Variants in PARP10 observed in about 807,000 individuals in gnomAD.
The protein encoded by PARP10 is protein mono-ADP-ribosyltransferase PARP10.
In PARP10, 56 loss-of-function variants were observed where a neutral mutation model predicts 82.4. The observed-to-expected ratio is 0.68, with a 90% confidence interval of 0.55 to 0.85. PARP10 has a LOEUF of 0.85. PARP10 is among the 40% of genes least tolerant of loss of function. The pLI is 0.00. For missense variants in PARP10, 1,227 were observed against 1,379.4 expected, an observed-to-expected ratio of 0.89 and a Z score of 1.75; for synonymous variants, 576 against 601.1, an observed-to-expected ratio of 0.96 and a Z score of 0.61.
chr8:143,978,320 C>T (rs1833763693), intron 9 of PARP10, among the ~76,000 whole-genome samples: 1 of 152,042 alleles, frequency 6.6e-6, no homozygotes, highest in South Asian at 2.1e-4. Flanking sequence ...GGTCTGCGGG[C>T]GGGCAAACCC....
chr8:143,992,992 A>G (rs1248747393), upstream of PARP10: 2 of 643,926 alleles, frequency 3.1e-6, no homozygotes, highest in Non-Finnish European at 5.3e-6. Flanking sequence ...CTGTATGTAC[A>G]CTGCAGATAC....
upstream of PARP10, chr8:143,990,936 G>A (rs537594353): frequency 3.8e-3 from 866 of 227,060 alleles, 6 homozygotes; most frequent in African/African-American, 0.018. The surrounding 1 kb of genome is among the most constrained non-coding windows in gnomAD (Gnocchi z 5.6). Context: ...CCCAAATCCC[G>A]AGGCTGGCGG....
chr8:143,983,767 C>G lies in PARP10; in HGVS notation c.1822G>C (p.Asp608His). The change falls in exon 8 of 11, where the codon GAC becomes CAC. Residue 608 changes from aspartate to histidine, a missense_variant. By Grantham distance (81) the Asp-to-His change is moderately conservative. Transcript: ENST00000313028. The part of the protein sequence containing the change: ...LLATLEGLDL[D>H]GEDWLPRELE... ...TCCCGAGGCAGCCAGTCCTCCCCGT[C>G]TAGGTCTAGGCCCTCCAGGGTGGCC... The G allele has an allele frequency of 6.2e-7, 1 of 1,611,122 alleles. No homozygotes were observed. The highest frequency in any genetic ancestry group is 1.1e-5 in the South Asian group (1 of 90,536).
upstream of PARP10, chr8:143,991,678 T>A: frequency 6.2e-7 from 1 of 1,602,680 alleles, no homozygotes; most frequent in African/African-American, 1.3e-5. Context: ...TGACCCAGCC[T>A]GTCTGCTTCT....
Position 143,986,103 on chromosome 8 carries a change from A to G in PARP10, c.133T>C (p.Trp45Arg). 6.2e-7 allele frequency: 1 copy of G among 1,614,110 alleles called. No homozygotes were observed. Among genetic ancestry groups the G allele is most frequent in the South Asian group, 1.1e-5 (1 of 91,090 alleles). Residue 45 changes from tryptophan (W) to arginine (R), a missense_variant, in exon 2 of 11, where the codon TGG becomes CGG. Coordinates refer to ENST00000313028, the MANE Select transcript of PARP10 (RefSeq NM_032789.5). ...ACGCCCCCACAGCCCAGTCTCTGCCAGCTCAACACAGGTCCCCCTCCAGAG... is the reference window on the plus strand; with the variant it reads ...ACGCCCCCACAGCCCAGTCTCTGCCGGCTCAACACAGGTCCCCCTCCAGAG... ...RRSGGGPVLS[W>R]QRLGCGGVLT...
In PARP10 at chr8:143,984,544, C is replaced by A; in HGVS notation, c.1458G>T (p.Arg486=). The A allele has an allele frequency of 6.2e-7, 1 of 1,606,756 alleles. No homozygotes were observed. ...TGAGGAGTCCTGAGGGGTCACTCAC[C>A]CGAAAGCCAGTCATATCCGGTCCTT... ...PLEGPDMTGF[R]LCGAQASCQA... is the part of the protein sequence containing the mutation. Residue 486 remains arginine, a splice_region_variant and synonymous_variant, in exon 5 of 11, where the codon CGG becomes CGT. Transcript: ENST00000313028.
At position 143,977,703 on chromosome 8, in the gene PARP10, G is replaced by C. The variant is rs782375654; in HGVS notation, c.2859C>G (p.Tyr953Ter). 6 of 1,592,996 alleles carry C rather than the reference G, an allele frequency of 3.8e-6. No individual in the cohort carries two copies. The highest frequency in any genetic ancestry group is 4.3e-6 in the Non-Finnish European group (5 of 1,170,594). ...CCCGCAGACCGCGGCGGCCCTGCCCGTAGTCGCCAGTCAGCACCCGTGCCA... is the reference window on the plus strand; with the variant it reads ...CCCGCAGACCGCGGCGGCCCTGCCCCTAGTCGCCAGTCAGCACCCGTGCCA... ...VFVARVLTGD[Y>*]GQGRRGLRAP... Residue 953 changes from tyrosine (Y) to a stop codon, truncating the protein, a stop_gained, in exon 11 of 11, where the codon TAC (tyrosine) becomes TAG (stop). Transcript: ENST00000313028. LOFTEE classifies it low-confidence loss of function (END_TRUNC).
chr8:143,991,419 C>A, upstream of PARP10: 1 of 1,387,564 alleles, frequency 7.2e-7, no homozygotes, highest in Non-Finnish European at 9.6e-7. Flanking sequence ...CCCCTACCCC[C>A]AAGGGGGCTA....
chr8:143,992,187 C>T (rs1834110486), upstream of PARP10: 3 of 1,599,768 alleles, frequency 1.9e-6, no homozygotes. Context: ...GAGGCAGGGG[C>T]CGGCAGGGGT....
Position 143,983,292 on chromosome 8 carries a change from C to T in PARP10, c.2297G>A (p.Gly766Asp). The T allele has an allele frequency of 6.2e-7, 1 of 1,612,772 alleles. No individual in the cohort carries two copies. The change falls in exon 8 of 11, where the codon GGT (glycine) becomes GAT (aspartate). Residue 766 changes from glycine to aspartate, a missense_variant. By Grantham distance (94) the Gly-to-Asp change is moderately conservative (BLOSUM62 -1). Coordinates refer to ENST00000313028, the MANE Select transcript of PARP10 (RefSeq NM_032789.5). ...RCHGVSVALR[G>D]DCTILRGFGA... ...GAAGCCACGGAGGATGGTGCAGTCA[C>T]CACGCAGGGCAACACTCACACCATG... is the stretch of plus-strand genomic sequence containing the variant.
upstream of PARP10, chr8:143,990,791 G>A (rs1834078675): frequency 6.5e-6 from 1 of 153,368 alleles, no homozygotes; most frequent in African/African-American, 2.4e-5. This position sits in a 1 kb window ranked among gnomAD's most constrained non-coding sequence, Gnocchi z 5.6. Flanking sequence ...TGCTTAAGGG[G>A]CGGGATGCGG....
chr8:143,991,487 C>T, upstream of PARP10: 1 of 1,525,986 alleles, frequency 6.6e-7, no homozygotes, highest in Non-Finnish European at 8.8e-7. Context: ...CACAAGAGGG[C>T]TACCCACAGG....
chr8:143,990,948 C>G (rs1252969378), upstream of PARP10: 1 of 248,058 alleles, frequency 4.0e-6, no homozygotes, highest in African/African-American at 2.2e-5. This position sits in a 1 kb window ranked among gnomAD's most constrained non-coding sequence, Gnocchi z 5.6. Context: ...GGCTGGCGGT[C>G]GTCCCCTCGC....
chr8:143,982,245 G>A (rs1164492185), intron 9 of PARP10, among the ~76,000 whole-genome samples: 7 of 152,066 alleles, frequency 4.6e-5, no homozygotes, highest in South Asian at 2.1e-4. Context: ...CGAGGCGGGC[G>A]GATCACGAGG....
intron 1 of PARP10, chr8:144,012,522 C>T: frequency 6.4e-7 from 1 of 1,551,758 alleles, no homozygotes; most frequent in South Asian, 1.2e-5. Flanking sequence ...GGGCATGTCT[C>T]TACTCACCAA....
chr8:144,012,631 C>T (rs1834300973), exon 1 of PARP10: 1 of 1,551,722 alleles, frequency 6.4e-7, no homozygotes, highest in South Asian at 1.2e-5. Flanking sequence ...GAGCTCAAGT[C>T]AGCGATCAAG....
At chr8:143,986,536 T>A, upstream of PARP10, 1 of 897,488 alleles carries the variant, frequency 1.1e-6, no homozygotes, top group South Asian at 1.6e-5. Context: ...GCTCAGATGC[T>A]TCCTCTCCTG....
upstream of PARP10, chr8:143,992,717 T>G (rs1554750795): frequency 6.2e-7 from 1 of 1,613,454 alleles, no homozygotes; most frequent in Non-Finnish European, 8.5e-7. Context: ...ACCCAGCTGC[T>G]ACTGGGGAAC....
At chr8:143,995,192 G>T (rs1834155651), upstream of PARP10, among the ~76,000 whole-genome samples, 1 of 152,206 alleles carries the variant, frequency 6.6e-6, no homozygotes, top group South Asian at 2.1e-4. Flanking sequence ...GGCCTATCCT[G>T]CAGGTGAAGG....
Sources: gnomAD v4.1 joint callset for allele counts (sites outside exome capture counted in the v4.1 genomes callset) on GRCh38, gnomAD v4.1.1 for gene constraint, Gnocchi (gnomAD v3.1) non-coding constraint, MANE v1.5 for transcripts, NCBI Gene and HGNC (gene_info 2026-07-23, HGNC 2026-07-21) for gene names.